PCDHGA10: variants seen among roughly 807,000 people sequenced by gnomAD.
The protein encoded by PCDHGA10 is protocadherin gamma subfamily A, 10.
PCDHGA10 carries 42 observed loss-of-function variants against 59.5 expected under a neutral mutation model. The ratio of observed to expected loss-of-function variants is 0.71; its 90% CI spans 0.55 to 0.91. The LOEUF is 0.91. PCDHGA10 is among the 40% of genes least tolerant of loss of function. PCDHGA10 has a pLI of 0.00. For missense variants in PCDHGA10, 1,111 were observed against 1,198.2 expected (o/e 0.93, Z 1.07); for synonymous variants, 511 against 517.2 (o/e 0.99, Z 0.16).
chr5:141,452,054 C>T (rs578157525), intron 1 of PCDHGA10, among the ~76,000 whole-genome samples: 2 of 152,078 alleles, frequency 1.3e-5, no homozygotes, highest in Admixed American at 1.3e-4. Flanking sequence ...TTTGTAATAA[C>T]TTATTCTACT....
chr5:141,420,494 C>A (rs978136090), intron 1 of PCDHGA10: 1 of 499,510 alleles, frequency 2.0e-6, no homozygotes, highest in Non-Finnish European at 3.1e-6. Context: ...GGGTAATCTC[C>A]GGTGACATTT....
intron 1 of PCDHGA10, chr5:141,427,909 C>G: frequency 6.3e-7 from 1 of 1,576,922 alleles, no homozygotes; most frequent in Non-Finnish European, 8.7e-7. Context: ...GCGCTCAGCG[C>G]CAACATGAGC....
chr5:141,470,147 T>A (rs1394329530), intron 1 of PCDHGA10, among the ~76,000 whole-genome samples: 1 of 152,172 alleles, frequency 6.6e-6, no homozygotes. Context: ...AGATCATAGA[T>A]CATCTTATCA....
intron 1 of PCDHGA10, chr5:141,478,359 G>A: frequency 6.2e-7 from 1 of 1,613,734 alleles, no homozygotes; most frequent in Non-Finnish European, 8.5e-7. Flanking sequence ...GACGCCGTGC[G>A]GGGAGGCCTG....
chr5:141,496,276 G>C (rs1189269883), intron 2 of PCDHGA10, among the ~76,000 whole-genome samples: 1 of 152,204 alleles, frequency 6.6e-6, no homozygotes, highest in Admixed American at 6.5e-5. Flanking sequence ...AAGACCTTCA[G>C]TTGGTCTGAG....
In PCDHGA10 at chr5:141,485,275, G is replaced by C. The variant is rs77402299; in HGVS notation, c.2437-9532G>C. ...ACGTTTGTGGGCAGATCCGCTACCC[G>C]GTCCCAGAGGAGTCACAGGAAGGGA... On this transcript the variant is annotated intron_variant, in intron 1 of 3. Transcript: ENST00000398610. The surrounding 1 kb of genome is among the most constrained non-coding windows in gnomAD (Gnocchi z 5.7). The C allele has an allele frequency of 2.5e-6, 4 of 1,614,072 alleles. No individual in the cohort carries two copies. Among genetic ancestry groups the C allele is most frequent in the Admixed American group, 1.7e-5 (1 of 60,024 alleles).
At chr5:141,433,273 A>T in intron 1 of PCDHGA10, 1 of 1,258,988 alleles carries the variant, frequency 7.9e-7, no homozygotes. Flanking sequence ...AGCTCACTGC[A>T]GCCTCAAACT....
rs909255357 is a variant in PCDHGA10 at position 141,489,178 on chromosome 5, C to A, written c.2437-5629C>A. 5 of 1,234,744 alleles carry A rather than the reference C, an allele frequency of 4.0e-6. No individual in the cohort carries two copies. The highest frequency in any genetic ancestry group is 2.3e-5 in the Admixed American group (1 of 42,922). The allele number at this position is 1,234,744 out of a possible 1,614,324, so 76.5% of individuals were successfully genotyped here. Reference sequence around the variant, plus strand: ...GAGACTTCAGCTGCTGCATTCCAAGCCCTGGGTCTACCTTGGAGACAGGAC... The same window carrying A: ...GAGACTTCAGCTGCTGCATTCCAAGACCTGGGTCTACCTTGGAGACAGGAC... On this transcript the variant is annotated intron_variant, in intron 1 of 3. Transcript: ENST00000398610. This position sits in a 1 kb window ranked among gnomAD's most constrained non-coding sequence, Gnocchi z 4.5.
intron 1 of PCDHGA10, among the ~76,000 whole-genome samples, chr5:141,470,290 C>T (rs1226383020): frequency 1.3e-5 from 2 of 152,148 alleles, no homozygotes; most frequent in Non-Finnish European, 2.9e-5. Context: ...TATTGGTTAA[C>T]TGTTTTTATT....
rs969397099 is a variant in PCDHGA10, at chr5:141,477,807, C to T, written c.2437-17000C>T. 6.2e-6 allele frequency: 10 copies of T among 1,613,932 alleles called. No homozygotes were observed. Among genetic ancestry groups the T allele is most frequent in the African/African-American group, 1.3e-5 (1 of 74,922 alleles). ...TTTGTCACTGATCGCAATGACAATG[C>T]CCCCCAGGTCCTATATCCTCGGCCA... is the stretch of plus-strand genomic sequence containing the variant. On this transcript the variant is annotated intron_variant, in intron 1 of 3. Transcript: ENST00000398610. The surrounding 1 kb of genome is among the most constrained non-coding windows in gnomAD (Gnocchi z 4.9).
chr5:141,450,702 G>T (rs1466981422), intron 1 of PCDHGA10, among the ~76,000 whole-genome samples: 6 of 152,026 alleles, frequency 3.9e-5, no homozygotes, highest in South Asian at 2.1e-4. Flanking sequence ...GCCCAGGATG[G>T]TCTCCAACTC....
Position 141,485,151 on chromosome 5 carries a change from T to C in PCDHGA10, c.2437-9656T>C, listed in dbSNP as rs1191585056. 1.0e-5 allele frequency: 16 copies of C among 1,584,876 alleles called. No homozygotes were observed. Among genetic ancestry groups the C allele is most frequent in the Non-Finnish European group, 1.3e-5 (15 of 1,156,528 alleles). On this transcript the variant is annotated intron_variant, in intron 1 of 3. Coordinates refer to ENST00000398610, the MANE Select transcript of PCDHGA10 (RefSeq NM_018913.3). This position sits in a 1 kb window ranked among gnomAD's most constrained non-coding sequence, Gnocchi z 5.7. ...GCTTCATCCGCGTCTCAGGAGCAAG[T>C]AGAGAATTAGCGGGCGGCAGCAATG...
In PCDHGA10 at chr5:141,413,612, T is replaced by C. The variant is rs1282180585; in HGVS notation, c.437T>C (p.Ile146Thr). ...CAAGCAGAAAATCTAGACGTAAAAA[T>C]TAATGAAAATGTCGCTGCGGGAATG... ...KFQAENLDVK[I>T]NENVAAGMRF... is the part of the protein sequence containing the mutation. The change falls in exon 1 of 4, where the codon ATT (isoleucine) becomes ACT (threonine). Residue 146 changes from isoleucine (I) to threonine (T), a missense_variant. Transcript: ENST00000398610. 1 of 1,613,696 alleles carries C rather than the reference T, an allele frequency of 6.2e-7. No individual in the cohort carries two copies. Among genetic ancestry groups the C allele is most frequent in the Non-Finnish European group, 8.5e-7 (1 of 1,179,894 alleles).
At chr5:141,471,215 A>G (rs1562030197) in intron 1 of PCDHGA10, 1 of 149,038 alleles carries the variant, frequency 6.7e-6, no homozygotes, top group Non-Finnish European at 1.5e-5. Context: ...ATGCCTGGCA[A>G]TTTTTTTGTA....
In PCDHGA10 at chr5:141,486,157, AG is replaced by A. The variant is rs1562110605; in HGVS notation, c.2437-8649del. 1 of 1,614,208 alleles carries A rather than the reference AG, an allele frequency of 6.2e-7. No homozygotes were observed. Among genetic ancestry groups the A allele is most frequent in the Admixed American group, 1.7e-5 (1 of 60,026 alleles). On this transcript the variant is annotated intron_variant, in intron 1 of 3. Coordinates refer to ENST00000398610, the MANE Select transcript of PCDHGA10 (RefSeq NM_018913.3). This position sits in a 1 kb window ranked among gnomAD's most constrained non-coding sequence, Gnocchi z 5.0. ...TGCGGGCTCGCGATGGGGGTTCTCC[AG>A]CCATGGAGCAACATTGCAGCCTTCG...
At position 141,491,187 on chromosome 5, in the gene PCDHGA10, G is replaced by A. The variant is rs2099709293; in HGVS notation, c.2437-3620G>A. ...CCCAGCAGGTGGTGGTCCTGGTGAG[G>A]GACAATGGTGACCCTTCACTCTCCT... On this transcript the variant is annotated intron_variant, in intron 1 of 3. Coordinates refer to ENST00000398610, the MANE Select transcript of PCDHGA10 (RefSeq NM_018913.3). The surrounding 1 kb of genome is among the most constrained non-coding windows in gnomAD (Gnocchi z 6.9). The A allele has an allele frequency of 6.2e-7, 1 of 1,614,064 alleles. No homozygotes were observed. The highest frequency in any genetic ancestry group is 1.1e-5 in the South Asian group (1 of 91,080).
intron 1 of PCDHGA10, among the ~76,000 whole-genome samples, chr5:141,468,914 G>A (rs563780068): frequency 2.6e-5 from 4 of 151,700 alleles, no homozygotes; most frequent in Admixed American, 2.6e-4. Context: ...CAGACTAGAA[G>A]AGAATAGCAC....
chr5:141,421,731 C>A (rs73792198), intron 1 of PCDHGA10: 144,261 of 1,613,668 alleles, frequency 0.089, 7,407 homozygotes, highest in African/African-American at 0.18. Flanking sequence ...TGAACTCCCT[C>A]CAGAGCTACC....
At position 141,450,754 on chromosome 5, in the gene PCDHGA10, C is replaced by T. The variant is rs192088793; in HGVS notation, c.2436+35143C>T. Among the ~76,000 whole-genome samples, 54 of 151,098 alleles carry T rather than the reference C, an allele frequency of 3.6e-4. 1 individual carries two copies. Among genetic ancestry groups the T allele is most frequent in the African/African-American group, 1.1e-3 (47 of 41,192 alleles). ...CGCCCGCCTTGGCCTCCCAAAGTGC[C>T]GGGATTACAGGCATGAGCCACCGTG... On this transcript the variant is annotated intron_variant, in intron 1 of 3. Transcript: ENST00000398610.
Sources: gnomAD v4.1 joint callset for allele counts (sites outside exome capture counted in the v4.1 genomes callset) on GRCh38, gnomAD v4.1.1 for gene constraint, Gnocchi (gnomAD v3.1) non-coding constraint, MANE v1.5 for transcripts, NCBI Gene and HGNC (gene_info 2026-07-23, HGNC 2026-07-21) for gene names.